The following PCDH15 variants were observed in gnomAD, a reference collection of about 807,000 sequenced individuals.
PCDH15 encodes protocadherin related 15, also known as protocadherin-15.
A neutral mutation model predicts 178.5 loss-of-function variants in PCDH15; 129 were observed. The ratio of observed to expected loss-of-function variants is 0.72; its 90% CI spans 0.63 to 0.84. The LOEUF is 0.84. Ranked by LOEUF, PCDH15 falls within the 40% of genes least tolerant of loss-of-function variation. The pLI, the probability that PCDH15 is intolerant of heterozygous loss-of-function variation, is 0.00. For synonymous variants in PCDH15, 800 were observed against 732.0 expected (o/e 1.09, Z -1.50); for missense variants, 2,230 against 2,099.9 (o/e 1.06, Z -1.21).
At chr10:53,855,920 A>ATATATATATATATGTGTG (rs1201156130) in intron 28 of PCDH15, among the ~76,000 whole-genome samples, 1 of 140,380 alleles carries the variant, frequency 7.1e-6, no homozygotes, top group Admixed American at 7.4e-5. Context: ...ATATATATAT[A>ATATATATATATATGTGTG]TGTATGTGTG....
chr10:54,966,501 G>A (rs1186019412), intron 2 of PCDH15, among the ~76,000 whole-genome samples: 1 of 152,066 alleles, frequency 6.6e-6, no homozygotes, highest in African/African-American at 2.4e-5. Context: ...AACTTATACA[G>A]TATGTTACTC....
intron 1 of PCDH15, among the ~76,000 whole-genome samples, chr10:54,748,952 C>T (rs1945831966): frequency 6.6e-6 from 1 of 152,114 alleles, no homozygotes; most frequent in South Asian, 2.1e-4. Flanking sequence ...GCTGAGCTAG[C>T]TATTTTATGT....
chr10:53,955,222 A>T (rs777925802), intron 23 of PCDH15, among the ~76,000 whole-genome samples: 16 of 152,206 alleles, frequency 1.1e-4, no homozygotes, highest in Non-Finnish European at 1.6e-4. Context: ...GCTGACTAAA[A>T]TGGTAATAAT....
intron 3 of PCDH15, among the ~76,000 whole-genome samples, chr10:54,489,039 A>G (rs1036875208): frequency 6.6e-6 from 1 of 152,010 alleles, no homozygotes; most frequent in Non-Finnish European, 1.5e-5. Context: ...TTTTCCTTCC[A>G]TGTAACCTTC....
upstream of PCDH15, among the ~76,000 whole-genome samples, chr10:54,802,723 T>G (rs1008703217): frequency 3.3e-5 from 5 of 152,228 alleles, no homozygotes; most frequent in African/African-American, 1.2e-4. Context: ...TGATATTTGT[T>G]GAATAGAGCA....
At chr10:54,574,222 C>A (rs2090199861) in intron 2 of PCDH15, among the ~76,000 whole-genome samples, 8 of 151,060 alleles carry the variant, frequency 5.3e-5, no homozygotes. Context: ...AGGAAGGGAT[C>A]CAGTTTCAGC....
At chr10:54,256,096 C>T (rs1350006283) in intron 8 of PCDH15, among the ~76,000 whole-genome samples, 1 of 152,142 alleles carries the variant, frequency 6.6e-6, no homozygotes, top group African/African-American at 2.4e-5. Context: ...ATGCCACCAG[C>T]CTGCTCCCAC....
In PCDH15 at chr10:55,602,838, C is replaced by A. The variant is rs375228880; in HGVS notation, c.-156+24787G>T. Among the ~76,000 whole-genome samples, 9 of 152,280 alleles carry A rather than the reference C, an allele frequency of 5.9e-5. No homozygotes were observed. The East Asian group carries it at 1.4e-3, about 23-fold the overall frequency. ...CTCTAAAAAGCAGAGTGCCTCTCCA[C>A]CTCCAAAGGAACACAGTTCCTCACC... is the stretch of plus-strand genomic sequence containing the variant. On this transcript the variant is annotated intron_variant, in intron 2 of 5. Coordinates refer to the PCDH15 transcript ENST00000613346.
At chr10:54,674,611 A>G (rs1217068076) in intron 1 of PCDH15, among the ~76,000 whole-genome samples, 1 of 152,140 alleles carries the variant, frequency 6.6e-6, no homozygotes, top group Non-Finnish European at 1.5e-5. Flanking sequence ...CAACTGGCAC[A>G]ATGTGAAGAT....
intron 2 of PCDH15, among the ~76,000 whole-genome samples, chr10:55,465,378 A>G (rs1409907564): frequency 6.6e-6 from 1 of 152,196 alleles, no homozygotes; most frequent in Non-Finnish European, 1.5e-5. Flanking sequence ...TGGGTGGTAC[A>G]TGCACAGGTG....
At chr10:55,411,106 C>T (rs950059071) in intron 2 of PCDH15, among the ~76,000 whole-genome samples, 4 of 151,964 alleles carry the variant, frequency 2.6e-5, no homozygotes, top group African/African-American at 9.7e-5. Flanking sequence ...ATTTCATGTC[C>T]TTAGTGTAGC....
intron 1 of PCDH15, among the ~76,000 whole-genome samples, chr10:55,172,080 A>C (rs1456867824): frequency 3.9e-5 from 6 of 152,016 alleles, no homozygotes; most frequent in African/African-American, 1.2e-4. Context: ...CTTTATGTAA[A>C]TCTAGAGATT....
chr10:53,889,429 A>G (rs533408132), intron 26 of PCDH15, among the ~76,000 whole-genome samples: 1 of 152,250 alleles, frequency 6.6e-6, no homozygotes, highest in Non-Finnish European at 1.5e-5. Flanking sequence ...CCACATAAAG[A>G]GGATACAAAT....
intron 21 of PCDH15, among the ~76,000 whole-genome samples, chr10:53,962,434 A>C (rs2088454787): frequency 2.0e-5 from 3 of 151,582 alleles, no homozygotes; most frequent in Non-Finnish European, 4.4e-5. Context: ...AAAAAACAAA[A>C]ATTATTTACC....
At chr10:54,937,685 G>A (rs898566877) in intron 2 of PCDH15, among the ~76,000 whole-genome samples, 1 of 151,728 alleles carries the variant, frequency 6.6e-6, no homozygotes, top group Non-Finnish European at 1.5e-5. Flanking sequence ...AACCTCGATG[G>A]TCTTAATTAT....
At chr10:54,872,085 A>G (rs1954049865) in intron 3 of PCDH15, among the ~76,000 whole-genome samples, 1 of 152,062 alleles carries the variant, frequency 6.6e-6, no homozygotes, top group South Asian at 2.1e-4. Context: ...GTTTGAAATA[A>G]AGTGTCTTTA....
chr10:54,506,916 T>C (rs755465887), intron 3 of PCDH15, among the ~76,000 whole-genome samples: 1 of 152,020 alleles, frequency 6.6e-6, no homozygotes, highest in Non-Finnish European at 1.5e-5. Context: ...GGAGACAGAT[T>C]CTTTTTATGG....
chr10:53,856,969 G>T (rs888001608), intron 28 of PCDH15, among the ~76,000 whole-genome samples: 18 of 151,974 alleles, frequency 1.2e-4, no homozygotes, highest in African/African-American at 4.1e-4. Flanking sequence ...GATGGGAGGG[G>T]CATGAGGGCT....
At chr10:54,582,955 A>G (rs75068727) in intron 2 of PCDH15, among the ~76,000 whole-genome samples, 4,825 of 152,230 alleles carry the variant, frequency 0.032, 253 homozygotes, top group African/African-American at 0.11. Flanking sequence ...TTTATTTAGC[A>G]TATTAATAAA....
Sources: allele counts gnomAD v4.1 joint callset (sites outside exome capture counted in the v4.1 genomes callset), GRCh38; gene constraint gnomAD v4.1.1; transcripts MANE v1.5; gene names NCBI Gene and HGNC (gene_info 2026-07-23, HGNC 2026-07-21).